Variants in MED27 observed in about 807,000 individuals in gnomAD.
The protein encoded by MED27 is mediator of RNA polymerase II transcription subunit 27.
MED27 carries 30 observed loss-of-function variants against 38.2 expected under a neutral mutation model. The observed-to-expected ratio is 0.79, with a 90% CI of 0.59 to 1.07. The LOEUF is 1.07. Ranked by LOEUF, MED27 falls within the 50% of genes least tolerant of loss-of-function variation. The pLI is 0.00. For synonymous variants in MED27, 122 were observed against 153.5 expected, an observed-to-expected ratio of 0.79 and a Z score of 1.52; for missense variants, 289 against 397.5, an observed-to-expected ratio of 0.73 and a Z score of 2.32.
chr9:131,936,046 T>C (rs1324839668), intron 4 of MED27, among the ~76,000 whole-genome samples: 1 of 150,698 alleles, frequency 6.6e-6, no homozygotes, highest in Non-Finnish European at 1.5e-5. Context: ...GGTGGGAGGA[T>C]TGCTTGAGCC....
intron 3 of MED27, among the ~76,000 whole-genome samples, chr9:132,008,706 T>C (rs1482134739): frequency 6.6e-6 from 1 of 152,210 alleles, no homozygotes; most frequent in Non-Finnish European, 1.5e-5. Context: ...CTGTGCTCTC[T>C]GCACAGTTGG....
chr9:132,063,869 G>C (rs555281558), intron 2 of MED27, among the ~76,000 whole-genome samples: 1 of 152,320 alleles, frequency 6.6e-6, no homozygotes, highest in East Asian at 1.9e-4. Context: ...CCGGAAAAAG[G>C]AGTATCTTCA....
At chr9:132,052,728 A>G (rs1005337538) in intron 2 of MED27, among the ~76,000 whole-genome samples, 1 of 137,096 alleles carries the variant, frequency 7.3e-6, no homozygotes, top group South Asian at 2.3e-4. Flanking sequence ...CCATGTGCAC[A>G]CATTATTTAG....
rs534419122 is a variant in MED27, at chr9:131,993,040, G to A, written c.479+21297C>T. Among the ~76,000 whole-genome samples, 13 of 152,246 alleles carry A rather than the reference G, an allele frequency of 8.5e-5. No individual in the cohort carries two copies. The South Asian group carries it at 2.7e-3, about 32-fold the overall frequency. On this transcript the variant is annotated intron_variant, in intron 3 of 7. Coordinates refer to ENST00000292035, the MANE Select transcript of MED27 (RefSeq NM_004269.4). ...TGGGTGACCCGGGGTGCAAGCCCAAGAAATCTCACTCCAGAACCTGTTTGT... is the reference window on the plus strand; with the variant it reads ...TGGGTGACCCGGGGTGCAAGCCCAAAAAATCTCACTCCAGAACCTGTTTGT...
At chr9:131,938,851 C>CT (rs1830729680) in intron 4 of MED27, among the ~76,000 whole-genome samples, 1 of 151,896 alleles carries the variant, frequency 6.6e-6, no homozygotes, top group East Asian at 1.9e-4. Context: ...GCAGCTGGGA[C>CT]TACAGGCACC....
At chr9:131,867,804 A>G (rs1838761943) in intron 6 of MED27, among the ~76,000 whole-genome samples, 1 of 152,142 alleles carries the variant, frequency 6.6e-6, no homozygotes, top group East Asian at 1.9e-4. Context: ...ACACACAATC[A>G]CTGGGGGTCT....
intron 4 of MED27, among the ~76,000 whole-genome samples, chr9:131,936,745 C>T (rs535306258): frequency 6.6e-6 from 1 of 152,228 alleles, no homozygotes. Context: ...CACCTGGCAC[C>T]ATCAAACAGC....
At chr9:131,951,641 A>G (rs1830999073) in intron 3 of MED27, among the ~76,000 whole-genome samples, 1 of 152,274 alleles carries the variant, frequency 6.6e-6, no homozygotes, top group South Asian at 2.1e-4. Context: ...TCCTCTTCAC[A>G]TAATCATTAT....
chr9:131,968,802 G>C (rs530544671), intron 3 of MED27, among the ~76,000 whole-genome samples: 1 of 152,172 alleles, frequency 6.6e-6, no homozygotes, highest in African/African-American at 2.4e-5. Context: ...AGTGGTGGGC[G>C]AGCGAGCAAA....
chr9:131,869,296 G>A (rs1165533515), intron 6 of MED27: 2 of 984,610 alleles, frequency 2.0e-6, no homozygotes, highest in African/African-American at 1.8e-5. Flanking sequence ...TCTTGTCAAA[G>A]CACTCCACCT....
intron 2 of MED27, among the ~76,000 whole-genome samples, chr9:132,045,910 T>G (rs996718777): frequency 2.6e-5 from 4 of 152,226 alleles, no homozygotes; most frequent in African/African-American, 4.8e-5. Context: ...TTCCTCCAGG[T>G]TGCTGCTAGG....
rs1313122293 is a variant in MED27 at position 131,872,946 on chromosome 9, C to T, written c.724-9806G>A. ...GTGGGAAGCCTCTGTGCCGCTCAGC[C>T]AGACTTTGGAGCACTCAAGTAGCAG... On this transcript the variant is annotated intron_variant, in intron 6 of 7. Transcript: ENST00000292035. This position sits in a 1 kb window ranked among gnomAD's most constrained non-coding sequence, Gnocchi z 5.6. Among the ~76,000 whole-genome samples, 1 of 152,260 alleles carries T rather than the reference C, an allele frequency of 6.6e-6. No homozygotes were observed. Among genetic ancestry groups the T allele is most frequent in the African/African-American group, 2.4e-5 (1 of 41,482 alleles).
At chr9:132,060,067 C>G (rs1833664659) in intron 2 of MED27, among the ~76,000 whole-genome samples, 1 of 152,166 alleles carries the variant, frequency 6.6e-6, no homozygotes, top group African/African-American at 2.4e-5. Context: ...TGGACTTGAT[C>G]TAGTTACCTA....
intron 6 of MED27, among the ~76,000 whole-genome samples, chr9:131,880,104 C>A (rs146214892): frequency 6.6e-6 from 1 of 152,188 alleles, no homozygotes; most frequent in African/African-American, 2.4e-5. Context: ...GAAATAGGCA[C>A]GCCAGTCACC....
At chr9:131,930,912 T>C (rs1299421853) in intron 4 of MED27, among the ~76,000 whole-genome samples, 2 of 152,146 alleles carry the variant, frequency 1.3e-5, no homozygotes, top group African/African-American at 4.8e-5. Context: ...TTTTTTTTGT[T>C]TGTTTGTTTA....
At position 131,953,525 on chromosome 9, in the gene MED27, T is replaced by C. The variant is rs564630671; in HGVS notation, c.480-14051A>G. On this transcript the variant is annotated intron_variant, in intron 3 of 7. Transcript: ENST00000292035. ...AAAACCTGTGATTTCATAGATAGCA[T>C]TGCTCAGTCATGGTACCACAGAGGC... Among the ~76,000 whole-genome samples the C allele has an allele frequency of 2.0e-5, 3 of 152,280 alleles. No individual in the cohort carries two copies. The South Asian group carries it at 6.2e-4, about 32-fold the overall frequency.
chr9:131,938,643 T>C (rs1013779584), intron 4 of MED27, among the ~76,000 whole-genome samples: 8 of 152,058 alleles, frequency 5.3e-5, no homozygotes, highest in African/African-American at 1.9e-4. Flanking sequence ...AAACCAGAAG[T>C]CATCAGTCTC....
chr9:131,987,842 A>C (rs1831886904), intron 3 of MED27, among the ~76,000 whole-genome samples: 1 of 152,236 alleles, frequency 6.6e-6, no homozygotes, highest in Non-Finnish European at 1.5e-5. Flanking sequence ...GAAAGCAGTC[A>C]AGTAGGAATC....
chr9:131,901,945 G>A (rs1020943842), intron 4 of MED27, among the ~76,000 whole-genome samples: 1 of 152,150 alleles, frequency 6.6e-6, no homozygotes, highest in Non-Finnish European at 1.5e-5. Flanking sequence ...CTGGTTTTCT[G>A]TGAAGGGCCA....
Sources: allele counts gnomAD v4.1 joint callset (sites outside exome capture counted in the v4.1 genomes callset), GRCh38; gene constraint gnomAD v4.1.1; non-coding constraint Gnocchi (gnomAD v3.1); transcripts MANE v1.5; gene names NCBI Gene and HGNC (gene_info 2026-07-23, HGNC 2026-07-21).